SYT10: variants seen among roughly 807,000 people sequenced by gnomAD.
The protein encoded by SYT10 is synaptotagmin-10.
Under a neutral mutation model 51.1 loss-of-function variants are expected in SYT10, and 31 were observed. The ratio of observed to expected loss-of-function variants is 0.61; its 90% confidence interval spans 0.46 to 0.82. SYT10 has a LOEUF of 0.82. Ranked by LOEUF, SYT10 falls within the 40% of genes least tolerant of loss-of-function variation. The pLI is 0.00. For missense variants in SYT10, 603 were observed against 634.0 expected (o/e 0.95, Z 0.53); for synonymous variants, 233 against 225.9 (o/e 1.03, Z -0.28).
chr12:33,408,614 C>T (rs1402323793), intron 2 of SYT10, among the ~76,000 whole-genome samples: 1 of 152,158 alleles, frequency 6.6e-6, no homozygotes, highest in Non-Finnish European at 1.5e-5. Flanking sequence ...GACTAATCAT[C>T]AGTTCTTGGA....
intron 5 of SYT10, among the ~76,000 whole-genome samples, chr12:33,381,237 A>G (rs907192582): frequency 1.3e-5 from 2 of 152,176 alleles, no homozygotes; most frequent in Non-Finnish European, 2.9e-5. Flanking sequence ...ATTTTTTAAA[A>G]ATTATAAATT....
intron 1 of SYT10, among the ~76,000 whole-genome samples, chr12:33,426,845 C>T (rs992809907): frequency 3.3e-5 from 5 of 152,156 alleles, no homozygotes; most frequent in African/African-American, 9.6e-5. Context: ...AAACTGCACA[C>T]AATAGGAAAC....
intron 6 of SYT10, among the ~76,000 whole-genome samples, chr12:33,377,372 C>A (rs1866072393): frequency 1.3e-5 from 2 of 151,220 alleles, no homozygotes; most frequent in African/African-American, 4.9e-5. Context: ...CGGGTTTCAC[C>A]ATGTTGGCCA....
At chr12:33,386,469 C>T (rs562897911) in intron 3 of SYT10, among the ~76,000 whole-genome samples, 51 of 151,934 alleles carry the variant, frequency 3.4e-4, no homozygotes, top group Non-Finnish European at 6.3e-4. Flanking sequence ...AAGTTTGTTC[C>T]TGCTTTGGGG....
intron 1 of SYT10, among the ~76,000 whole-genome samples, chr12:33,438,469 T>C (rs1228947203): frequency 6.6e-6 from 1 of 152,104 alleles, no homozygotes; most frequent in Admixed American, 6.5e-5. Context: ...CACACCAACC[T>C]TTTCCCCAAC....
intron 3 of SYT10, among the ~76,000 whole-genome samples, chr12:33,400,569 CAGTT>C (rs921740139): frequency 5.2e-5 from 5 of 96,398 alleles, no homozygotes; most frequent in East Asian, 4.7e-4. Context: ...GTGTAGAACA[CAGTT>C]GGTGCAAAAA....
At chr12:33,430,419 G>T (rs1189807689) in intron 1 of SYT10, among the ~76,000 whole-genome samples, 53 of 152,160 alleles carry the variant, frequency 3.5e-4, no homozygotes, top group Non-Finnish European at 5.9e-5. Flanking sequence ...ACATTTGCAT[G>T]ATCTTGTCCA....
chr12:33,419,742 T>C (rs995939445), intron 2 of SYT10, among the ~76,000 whole-genome samples: 4 of 152,182 alleles, frequency 2.6e-5, no homozygotes, highest in Admixed American at 2.0e-4. Context: ...CTAGCATATA[T>C]TTAAATGAAT....
At position 33,439,421 on chromosome 12, in the gene SYT10, G is replaced by C; in HGVS notation, c.102C>G (p.Cys34Trp). 1 of 1,614,176 alleles carries C rather than the reference G, an allele frequency of 6.2e-7. No homozygotes were observed. The highest frequency in any genetic ancestry group is 8.5e-7 in the Non-Finnish European group (1 of 1,180,026). ...CFAGQVEWEK[C>W]SGIFPRDRGS... Reference sequence around the variant, plus strand: ...CCCTGTCCCGAGGGAAGATGCCCGAGCACTTCTCCCACTCCACCTGGCCGG... The same window carrying C: ...CCCTGTCCCGAGGGAAGATGCCCGACCACTTCTCCCACTCCACCTGGCCGG... The change falls in exon 1 of 7, where the codon TGC (cysteine) becomes TGG (tryptophan). Residue 34 changes from cysteine (C) to tryptophan (W), a missense_variant. Cys to Trp is a radical substitution (Grantham distance 215). Coordinates refer to ENST00000228567, the MANE Select transcript of SYT10 (RefSeq NM_198992.4).
chr12:33,422,946 A>G (rs1468943118), intron 2 of SYT10, among the ~76,000 whole-genome samples: 2 of 152,164 alleles, frequency 1.3e-5, no homozygotes, highest in Non-Finnish European at 1.5e-5. Flanking sequence ...CGTTGACTAT[A>G]CCCAGGATTA....
intron 3 of SYT10, among the ~76,000 whole-genome samples, chr12:33,390,158 G>A (rs1395958172): frequency 3.3e-5 from 5 of 152,286 alleles, no homozygotes; most frequent in South Asian, 2.1e-4. Flanking sequence ...TAGTCCTGGC[G>A]GAGCCTCCTT....
chr12:33,399,250 A>G (rs1311473208), intron 3 of SYT10, among the ~76,000 whole-genome samples: 1 of 152,204 alleles, frequency 6.6e-6, no homozygotes, highest in Non-Finnish European at 1.5e-5. Flanking sequence ...TGAGTCTATC[A>G]CTGGAAGCAC....
rs553641220 is a variant in SYT10 at position 33,411,416 on chromosome 12, A to C, written c.510-4060T>G. 5.3e-5 allele frequency among the ~76,000 whole-genome samples: 8 copies of C among 152,294 alleles called. No individual in the cohort carries two copies. The East Asian group carries it at 1.3e-3, about 26-fold the overall frequency. On this transcript the variant is annotated intron_variant, in intron 2 of 6. Coordinates refer to ENST00000228567, the MANE Select transcript of SYT10 (RefSeq NM_198992.4). ...AAGGGAGCACAAATGTTTAATTTGTAAATGAAATTATGATCAGACCATTGT... is the reference window on the plus strand; with the variant it reads ...AAGGGAGCACAAATGTTTAATTTGTCAATGAAATTATGATCAGACCATTGT...
intron 2 of SYT10, among the ~76,000 whole-genome samples, chr12:33,417,696 C>G (rs1866466583): frequency 6.6e-6 from 1 of 152,174 alleles, no homozygotes; most frequent in Admixed American, 6.5e-5. Context: ...TCCAGTCATA[C>G]TCATTTGCAC....
intron 3 of SYT10, among the ~76,000 whole-genome samples, chr12:33,395,896 TTCAAATATGGTAAAAC>T (rs1866251911): frequency 1.3e-5 from 2 of 152,190 alleles, no homozygotes; most frequent in Non-Finnish European, 2.9e-5. Flanking sequence ...TTTAGTATAT[TTCAAATATGGTAAAAC>T]TCTAATATCA....
chr12:33,422,076 A>G (rs1591995684), intron 2 of SYT10, among the ~76,000 whole-genome samples: 1 of 150,750 alleles, frequency 6.6e-6, no homozygotes, highest in South Asian at 2.1e-4. Context: ...TAAGGCATCA[A>G]AACTTAAAGT....
intron 2 of SYT10, among the ~76,000 whole-genome samples, chr12:33,422,796 A>C (rs572386643): frequency 2.0e-5 from 3 of 152,148 alleles, no homozygotes; most frequent in Admixed American, 2.0e-4. Context: ...CAATGTTCTG[A>C]ATTCCACATT....
chr12:33,415,969 G>A (rs1309062033), intron 2 of SYT10, among the ~76,000 whole-genome samples: 3 of 152,074 alleles, frequency 2.0e-5, no homozygotes, highest in Admixed American at 6.5e-5. Context: ...ACATCATTTC[G>A]TATGTGTTCC....
At chr12:33,405,697 A>C (rs1419861196) in intron 3 of SYT10, 1 of 152,056 alleles carries the variant, frequency 6.6e-6, no homozygotes, top group African/African-American at 2.4e-5. Flanking sequence ...TTAAACTTGT[A>C]AGTTGCGATA....
Sources: gnomAD v4.1 joint callset for allele counts (sites outside exome capture counted in the v4.1 genomes callset) on GRCh38, gnomAD v4.1.1 for gene constraint, MANE v1.5 for transcripts, NCBI Gene and HGNC (gene_info 2026-07-23, HGNC 2026-07-21) for gene names.